Variants in SOS1 observed in about 807,000 individuals in gnomAD.
SOS1 encodes SOS Ras/Rac guanine nucleotide exchange factor 1.
A neutral mutation model predicts 157.6 loss-of-function variants in SOS1; 25 were observed. That is an observed-to-expected ratio of 0.16 (90% confidence interval 0.12 to 0.22). The LOEUF (loss-of-function observed/expected upper bound fraction) is 0.22. Ranked by LOEUF, SOS1 falls within the 10% of genes least tolerant of loss-of-function variation. The pLI is 1.00. For missense variants in SOS1, 1,237 were observed against 1,599.1 expected (o/e 0.77, Z 3.86); for synonymous variants, 528 against 534.0 (o/e 0.99, Z 0.16).
Position 39,052,280 on chromosome 2 carries a change from ATTTT to A in SOS1, c.721-997_721-994del, listed in dbSNP as rs138822500. 2.0e-4 allele frequency among the ~76,000 whole-genome samples: 30 copies of A among 152,228 alleles called. No individual in the cohort carries two copies. The East Asian group carries it at 4.6e-3, about 23-fold the overall frequency. On this transcript the variant is annotated intron_variant, in intron 5 of 22. Coordinates refer to ENST00000402219, the MANE Select transcript of SOS1 (RefSeq NM_005633.4). Reference sequence around the variant, plus strand: ...AATTAAAATTGGTTACTATTATTTGATTTTTTTATCAGTGACTATATTTATCAAG... The same window carrying A: ...AATTAAAATTGGTTACTATTATTTGATTTATCAGTGACTATATTTATCAAG...
intron 15 of SOS1, among the ~76,000 whole-genome samples, chr2:39,008,353 A>C (rs1401985287): frequency 2.0e-5 from 3 of 152,194 alleles, no homozygotes; most frequent in Non-Finnish European, 2.9e-5. Context: ...CCTAGGGCAG[A>C]AGTGTCACTC....
intron 1 of SOS1, among the ~76,000 whole-genome samples, chr2:39,113,076 T>C (rs563605148): frequency 6.6e-6 from 1 of 152,104 alleles, no homozygotes; most frequent in South Asian, 2.1e-4. Flanking sequence ...GAAGTGATTA[T>C]TTAGCATGAA....
At chr2:39,111,195 T>C (rs993811333) in intron 1 of SOS1, among the ~76,000 whole-genome samples, 1 of 152,128 alleles carries the variant, frequency 6.6e-6, no homozygotes, top group East Asian at 1.9e-4. Context: ...ATTGTGCCAC[T>C]GCACTCCAGC....
intron 1 of SOS1, among the ~76,000 whole-genome samples, chr2:39,085,218 CT>C (rs373142812): frequency 0.047 from 7,061 of 151,704 alleles, 385 homozygotes; most frequent in African/African-American, 0.13. Context: ...GCTAATTTTT[CT>C]TTTTTTTTGT....
intron 6 of SOS1, among the ~76,000 whole-genome samples, chr2:39,039,879 T>C (rs529334773): frequency 3.3e-5 from 5 of 152,368 alleles, no homozygotes; most frequent in African/African-American, 1.2e-4. Flanking sequence ...CTCCATGGAT[T>C]TGCCTATTCT....
intron 6 of SOS1, among the ~76,000 whole-genome samples, chr2:39,035,840 G>C (rs1205979518): frequency 2.6e-5 from 4 of 152,066 alleles, no homozygotes; most frequent in African/African-American, 9.7e-5. Context: ...AAAGAATATA[G>C]ATATGTACAA....
intron 1 of SOS1, among the ~76,000 whole-genome samples, chr2:39,079,656 G>A (rs1042959474): frequency 2.6e-4 from 39 of 151,650 alleles, no homozygotes; most frequent in Non-Finnish European, 5.2e-4. Flanking sequence ...CACCATGCCC[G>A]GCTAATTTTT....
intron 1 of SOS1, 90 bp downstream of exon 1, chr2:39,120,246 G>C (rs1426740993): frequency 1.0e-5 from 12 of 1,144,466 alleles, no homozygotes; most frequent in African/African-American, 4.9e-5. Context: ...GAAGAAAGAC[G>C]GCCCTGCGCG....
intron 2 of SOS1, among the ~76,000 whole-genome samples, chr2:39,066,635 A>AG (rs1213304202): frequency 6.6e-6 from 1 of 152,152 alleles, no homozygotes. Context: ...TATGTTACTG[A>AG]CTACATATCT....
intron 2 of SOS1, among the ~76,000 whole-genome samples, chr2:39,063,769 T>C (rs926538099): frequency 2.0e-5 from 3 of 152,186 alleles, no homozygotes; most frequent in Non-Finnish European, 4.4e-5. Context: ...TAAGCAGTAA[T>C]TGCTACCATA....
At chr2:39,053,331 G>A (rs1014752629) in intron 5 of SOS1, among the ~76,000 whole-genome samples, 2 of 152,246 alleles carry the variant, frequency 1.3e-5, no homozygotes, top group African/African-American at 4.8e-5. Flanking sequence ...AGTATGTCAT[G>A]GTTTTAATTT....
At chr2:39,029,223 G>A (rs980762323) in intron 8 of SOS1, among the ~76,000 whole-genome samples, 1 of 152,144 alleles carries the variant, frequency 6.6e-6, no homozygotes. Context: ...CCTAAAAAAT[G>A]TTACGATATG....
chr2:39,001,545 AAT>A (rs2124488682), intron 17 of SOS1, among the ~76,000 whole-genome samples: 1 of 152,330 alleles, frequency 6.6e-6, no homozygotes, highest in Admixed American at 6.5e-5. Context: ...CTGGTAAAAT[AAT>A]AGAGGAAGTA....
chr2:38,988,945 C>T (rs200263934), intron 21 of SOS1, among the ~76,000 whole-genome samples: 20 of 141,966 alleles, frequency 1.4e-4, no homozygotes, highest in South Asian at 2.2e-4. Context: ...ATGCTCTTGC[C>T]TTTTTTTTTT....
Position 38,985,904 on chromosome 2 carries a change from T to C in SOS1, c.3922A>G (p.Lys1308Glu). Residue 1308 changes from lysine (K) to glutamate (E), a missense_variant, in exon 23 of 23, where the codon AAA becomes GAA. Around this residue, in one of 15 missense-constraint regions of SOS1, gnomAD observed 306 missense variants for 322.6 expected, o/e 0.95. Transcript: ENST00000402219. ...TGTGTGTGCTCCCTTTTGTAAGTTTTTGGAGGGAGTTTAGGGATATGTTGA... is the reference window on the plus strand; with the variant it reads ...TGTGTGTGCTCCCTTTTGTAAGTTTCTGGAGGGAGTTTAGGGATATGTTGA... ...TSQHIPKLPP[K>E]TYKREHTHPS... 1 of 1,613,852 alleles carries C rather than the reference T, an allele frequency of 6.2e-7. No individual in the cohort carries two copies.
chr2:39,007,272 A>C (rs1669310921), intron 15 of SOS1, 79 bp from the exon 16 acceptor site: 1 of 943,216 alleles, frequency 1.1e-6, no homozygotes, highest in Non-Finnish European at 1.7e-6. Flanking sequence ...TAGTAAATAA[A>C]ATAATGTAGA....
In SOS1 at chr2:39,022,754, C is replaced by A; in HGVS notation, c.1674G>T (p.Met558Ile). ...STLERMLDVT[M>I]LQEEKEEQMR... The stretch of plus-strand genomic sequence containing the variant: ...TCTGCTCCTCTTTCTCTTCCTGTAG[C>A]ATTGTTACATCAAGCATCCTTTCCA... Residue 558 changes from methionine (M) to isoleucine (I), a missense_variant, in exon 10 of 23, where the codon ATG (methionine) becomes ATT (isoleucine). Met to Ile is a conservative substitution (Grantham distance 10). Coordinates refer to ENST00000402219, the MANE Select transcript of SOS1 (RefSeq NM_005633.4). 4 of 1,613,758 alleles carry A rather than the reference C, an allele frequency of 2.5e-6. No individual in the cohort carries two copies. The highest frequency in any genetic ancestry group is 3.4e-6 in the Non-Finnish European group (4 of 1,179,724).
In SOS1 at chr2:38,983,492, GT is replaced by G. The variant is rs1013427704; in HGVS notation, c.*2331del. On this transcript the variant is annotated 3_prime_UTR_variant, in exon 23 of 23. Coordinates refer to ENST00000402219, the MANE Select transcript of SOS1 (RefSeq NM_005633.4). ...CCTAGAACCATGGGGTAGAAGAATA[GT>G]TCCCTTTGGGAGAAATAGGATTAGA... 1 of 152,162 alleles carries G rather than the reference GT, an allele frequency of 6.6e-6. No homozygotes were observed. Among genetic ancestry groups the G allele is most frequent in the African/African-American group, 2.4e-5 (1 of 41,448 alleles). 9.4% of individuals were successfully genotyped at this position (152,162 alleles called of 1,614,324 possible).
At chr2:39,122,676 G>C (rs533136721), upstream of SOS1, among the ~76,000 whole-genome samples, 61 of 152,196 alleles carry the variant, frequency 4.0e-4, no homozygotes, top group African/African-American at 1.4e-3. Context: ...TGGAATGAAA[G>C]CTGGAATTAT....
Sources: allele counts gnomAD v4.1 joint callset (sites outside exome capture counted in the v4.1 genomes callset), GRCh38; gene constraint gnomAD v4.1.1; regional missense constraint gnomAD v4.1.1; transcripts MANE v1.5; gene names NCBI Gene and HGNC (gene_info 2026-07-23, HGNC 2026-07-21).